Variants in SH3PXD2A observed in about 807,000 individuals in gnomAD.
The protein encoded by SH3PXD2A is SH3 and PX domains 2A, also known as SH3 and PX domain-containing protein 2A.
A neutral mutation model predicts 115.2 loss-of-function variants in SH3PXD2A; 32 were observed. That is an observed-to-expected ratio of 0.28 (90% CI 0.21 to 0.37). The LOEUF is 0.37. SH3PXD2A is among the 10% of genes least tolerant of loss of function. SH3PXD2A has a pLI of 1.00. For synonymous variants in SH3PXD2A, 610 were observed against 629.1 expected, an observed-to-expected ratio of 0.97 and a Z score of 0.45; for missense variants, 1,328 against 1,498.7, an observed-to-expected ratio of 0.89 and a Z score of 1.88.
intron 2 of SH3PXD2A, among the ~76,000 whole-genome samples, chr10:103,772,745 G>T (rs1427864334): frequency 6.6e-6 from 1 of 152,192 alleles, no homozygotes; most frequent in Non-Finnish European, 1.5e-5. Context: ...CCCAGCTGGG[G>T]CACATCTGTA....
chr10:103,724,652 A>G (rs187658471), intron 4 of SH3PXD2A, among the ~76,000 whole-genome samples: 14 of 152,228 alleles, frequency 9.2e-5, no homozygotes, highest in African/African-American at 3.4e-4. Context: ...CCAATTAATC[A>G]ACAAACCAAC....
At chr10:103,608,299 CGAG>C (rs1564842985) in intron 13 of SH3PXD2A, among the ~76,000 whole-genome samples, 1 of 150,490 alleles carries the variant, frequency 6.6e-6, no homozygotes, top group Non-Finnish European at 1.5e-5. Flanking sequence ...TCCCAGGGAA[CGAG>C]GCCCTGTCGG....
rs75201469 is a variant in SH3PXD2A, at chr10:103,731,866, G to A, written c.306+3866C>T. Among the ~76,000 whole-genome samples, 749 of 152,276 alleles carry A rather than the reference G, an allele frequency of 4.9e-3. 11 individuals carry two copies. Among genetic ancestry groups the A allele is most frequent in the African/African-American group, 0.017 (704 of 41,548 alleles). On this transcript the variant is annotated intron_variant, in intron 4 of 14. Coordinates refer to ENST00000369774, the MANE Select transcript of SH3PXD2A (RefSeq NM_001394015.1). Reference sequence around the variant, plus strand: ...ATGAATGAGTCTGGGAAGTGCAGAGGGGGAGGGTCAGGGGATCCTTACCCT... The same window carrying A: ...ATGAATGAGTCTGGGAAGTGCAGAGAGGGAGGGTCAGGGGATCCTTACCCT...
chr10:103,637,448 G>A (rs1052707543), intron 8 of SH3PXD2A, among the ~76,000 whole-genome samples: 28 of 152,168 alleles, frequency 1.8e-4, no homozygotes, highest in African/African-American at 6.8e-4. Context: ...AAGGGTTTTG[G>A]TATCCAGGTG....
chr10:103,674,363 G>T (rs2037500720), intron 6 of SH3PXD2A, among the ~76,000 whole-genome samples: 1 of 152,176 alleles, frequency 6.6e-6, no homozygotes, highest in South Asian at 2.1e-4. Context: ...AGGGTTATCG[G>T]TCCTTTACAA....
At chr10:103,621,993 C>T (rs1311141914) in intron 10 of SH3PXD2A, among the ~76,000 whole-genome samples, 1 of 152,194 alleles carries the variant, frequency 6.6e-6, no homozygotes, top group African/African-American at 2.4e-5. Context: ...TGAATGTGAG[C>T]CAGTCCTTCT....
chr10:103,639,664 C>T (rs983198222), intron 8 of SH3PXD2A, among the ~76,000 whole-genome samples: 4 of 150,374 alleles, frequency 2.7e-5, no homozygotes, highest in African/African-American at 9.8e-5. Context: ...GAAAATGAGG[C>T]ACTCACCTCA....
At chr10:103,810,952 G>GCACACA (rs71476608) in intron 1 of SH3PXD2A, among the ~76,000 whole-genome samples, 154 of 19,958 alleles carry the variant, frequency 7.7e-3, no homozygotes, top group Middle Eastern at 0.038. Context: ...GCGCGCGCGC[G>GCACACA]CACACACACA....
intron 1 of SH3PXD2A, among the ~76,000 whole-genome samples, chr10:103,809,201 A>G (rs1180452724): frequency 1.3e-5 from 2 of 152,124 alleles, no homozygotes; most frequent in Admixed American, 1.3e-4. Context: ...TTTGGGGAAC[A>G]ACCACCACTT....
At chr10:103,610,237 T>C (rs917678496) in intron 13 of SH3PXD2A, among the ~76,000 whole-genome samples, 11 of 152,212 alleles carry the variant, frequency 7.2e-5, no homozygotes, top group Non-Finnish European at 1.5e-5. Context: ...CAGCCGTGCA[T>C]GTGAGCAGAC....
At chr10:103,662,274 C>T (rs2037317110) in intron 7 of SH3PXD2A, among the ~76,000 whole-genome samples, 1 of 130,610 alleles carries the variant, frequency 7.7e-6, no homozygotes, top group Admixed American at 9.5e-5. Context: ...CTTTTAGCTT[C>T]CTAGCTGAGT....
rs144219867 is a variant in SH3PXD2A at position 103,789,102 on chromosome 10, C to T, written c.153+12180G>A. On this transcript the variant is annotated intron_variant, in intron 2 of 14. Coordinates refer to ENST00000369774, the MANE Select transcript of SH3PXD2A (RefSeq NM_001394015.1). The stretch of plus-strand genomic sequence containing the variant: ...CCACAGCTCAGGCTCCCATAGCTTA[C>T]CAGACTGCCCTACATGCCTCATTCC... Among the ~76,000 whole-genome samples the T allele has an allele frequency of 8.1e-4, 123 of 152,206 alleles. 1 individual carries two copies. The East Asian group carries it at 0.023, about 29-fold the overall frequency.
intron 10 of SH3PXD2A, among the ~76,000 whole-genome samples, chr10:103,618,210 GGA>G (rs1167497723): frequency 6.6e-6 from 1 of 152,216 alleles, no homozygotes; most frequent in African/African-American, 2.4e-5. Context: ...GCAGGTGTGG[GGA>G]GAGTGGGGCA....
intron 5 of SH3PXD2A, among the ~76,000 whole-genome samples, chr10:103,713,852 G>C (rs1231878189): frequency 6.6e-6 from 1 of 152,208 alleles, no homozygotes; most frequent in Admixed American, 6.5e-5. Flanking sequence ...ATGGTCTGCT[G>C]CCTCCTGTGG....
intron 6 of SH3PXD2A, among the ~76,000 whole-genome samples, chr10:103,680,920 A>T (rs1326363603): frequency 6.6e-6 from 1 of 151,304 alleles, no homozygotes; most frequent in Non-Finnish European, 1.5e-5. Context: ...AAAGGTGCTA[A>T]AACAATAAGT....
chr10:103,719,465 G>A (rs1275844214), intron 5 of SH3PXD2A, among the ~76,000 whole-genome samples: 1 of 152,212 alleles, frequency 6.6e-6, no homozygotes, highest in Non-Finnish European at 1.5e-5. Context: ...TACCATGTAA[G>A]ACCATAGTGA....
intron 1 of SH3PXD2A, among the ~76,000 whole-genome samples, chr10:103,851,075 T>C (rs1007777740): frequency 6.7e-6 from 1 of 149,352 alleles, no homozygotes; most frequent in African/African-American, 2.5e-5. Flanking sequence ...GAACTGGCCC[T>C]GAAAAAGACC....
intron 7 of SH3PXD2A, chr10:103,661,665 G>A (rs183399910): frequency 8.1e-6 from 8 of 985,150 alleles, no homozygotes; most frequent in Non-Finnish European, 9.6e-6. Context: ...CTGCTCCCTC[G>A]GGCGGGAGAG....
intron 8 of SH3PXD2A, among the ~76,000 whole-genome samples, chr10:103,653,080 G>A (rs1493172): frequency 6.6e-6 from 1 of 152,092 alleles, no homozygotes; most frequent in African/African-American, 2.4e-5. Context: ...TGCTGCTGAC[G>A]TCTCCACAGC....
Sources: allele counts gnomAD v4.1 joint callset (sites outside exome capture counted in the v4.1 genomes callset), GRCh38; gene constraint gnomAD v4.1.1; transcripts MANE v1.5; gene names NCBI Gene and HGNC (gene_info 2026-07-23, HGNC 2026-07-21).